Variants in ZBTB20 observed in about 807,000 individuals in gnomAD.
ZBTB20 encodes the protein zinc finger and BTB domain-containing protein 20.
ZBTB20 carries 9 observed loss-of-function variants against 56.9 expected under a neutral mutation model. The observed-to-expected ratio is 0.16, with a 90% CI of 0.10 to 0.28. The LOEUF is 0.28. Ranked by LOEUF, ZBTB20 falls within the 10% of genes least tolerant of loss-of-function variation. ZBTB20 has a pLI of 1.00. For synonymous variants in ZBTB20, 417 were observed against 420.7 expected (o/e 0.99, Z 0.11); for missense variants, 655 against 1,003.0 (o/e 0.65, Z 4.69).
intron 6 of ZBTB20, among the ~76,000 whole-genome samples, 186 bp downstream of exon 6, chr3:114,693,342 A>G (rs2062809240): frequency 6.6e-6 from 1 of 152,168 alleles, no homozygotes; most frequent in African/African-American, 2.4e-5. Flanking sequence ...CAAATAGGAT[A>G]TTAAAGATCT....
intron 2 of ZBTB20, among the ~76,000 whole-genome samples, chr3:114,976,968 ACT>A (rs1471670458): frequency 2.0e-5 from 3 of 152,078 alleles, no homozygotes; most frequent in South Asian, 4.1e-4. Context: ...AATCAATCAA[ACT>A]CTGTTAAATC....
intron 7 of ZBTB20, among the ~76,000 whole-genome samples, chr3:114,431,361 C>T (rs148449375): frequency 2.0e-5 from 3 of 152,168 alleles, no homozygotes; most frequent in East Asian, 3.9e-4. Context: ...GGGTCAGAGA[C>T]GGATATTGCA....
chr3:114,969,408 C>A (rs1433489204), intron 3 of ZBTB20, among the ~76,000 whole-genome samples: 2 of 152,036 alleles, frequency 1.3e-5, no homozygotes, highest in African/African-American at 4.8e-5. Context: ...TTTAAAATGG[C>A]TTCCAAAAGT....
Position 114,314,966 on chromosome 3 carries a change from G to A in ZBTB20, c.*24039C>T, listed in dbSNP as rs185191593. On this transcript the variant is annotated 3_prime_UTR_variant, in exon 12 of 12. Coordinates refer to ENST00000675478, the MANE Select transcript of ZBTB20 (RefSeq NM_001348800.3). ...CTGTAAGAAAAAACTGGCAGGATGTGTGTATTTAGTCTATATTTTAAAGCA... is the reference window on the plus strand; with the variant it reads ...CTGTAAGAAAAAACTGGCAGGATGTATGTATTTAGTCTATATTTTAAAGCA... 5.3e-5 allele frequency: 8 copies of A among 152,186 alleles called. No individual in the cohort carries two copies. The highest frequency in any genetic ancestry group is 2.1e-4 in the South Asian group (1 of 4,824). 9.4% of individuals were successfully genotyped at this position (152,186 alleles called of 1,614,324 possible). A position where few individuals can be genotyped will look rare whatever the true frequency, so the allele number is the denominator to read the frequency against.
At chr3:114,920,695 T>TA (rs979377134) in intron 3 of ZBTB20, among the ~76,000 whole-genome samples, 8 of 151,226 alleles carry the variant, frequency 5.3e-5, no homozygotes, top group African/African-American at 1.9e-4. Flanking sequence ...CTCAAAAAAT[T>TA]AAAAAAAGAA....
chr3:114,901,271 A>AC (rs1331594555), intron 3 of ZBTB20, among the ~76,000 whole-genome samples: 1 of 152,126 alleles, frequency 6.6e-6, no homozygotes, highest in African/African-American at 2.4e-5. Flanking sequence ...ATCTCAAAAA[A>AC]AAAAAAAATT....
intron 1 of ZBTB20, among the ~76,000 whole-genome samples, chr3:115,083,115 A>G (rs986511247): frequency 1.3e-5 from 2 of 152,022 alleles, no homozygotes; most frequent in Non-Finnish European, 2.9e-5. Flanking sequence ...AAAGCTACAT[A>G]TAACTCTTAT....
chr3:114,539,366 T>C (rs775527761), intron 6 of ZBTB20, among the ~76,000 whole-genome samples: 4 of 152,158 alleles, frequency 2.6e-5, no homozygotes, highest in Non-Finnish European at 4.4e-5. Flanking sequence ...GATTCTCCAC[T>C]ATTTTTGGCG....
intron 3 of ZBTB20, among the ~76,000 whole-genome samples, chr3:114,940,423 TA>T (rs2076688342): frequency 1.4e-5 from 2 of 144,846 alleles, no homozygotes; most frequent in Non-Finnish European, 2.9e-5. Flanking sequence ...ATCCCATTCC[TA>T]CTATAGTTTG....
chr3:114,572,892 T>C (rs1216905452), intron 6 of ZBTB20, among the ~76,000 whole-genome samples: 1 of 152,204 alleles, frequency 6.6e-6, no homozygotes, highest in Non-Finnish European at 1.5e-5. Context: ...TTGAAATGAG[T>C]GCCTAATAAA....
rs192219862 is a variant in ZBTB20 at position 114,681,879 on chromosome 3, A to G, written c.-295+11649T>C. Among the ~76,000 whole-genome samples the G allele has an allele frequency of 1.3e-3, 202 of 152,306 alleles. 1 individual carries two copies. The highest frequency in any genetic ancestry group is 4.5e-3 in the African/African-American group (189 of 41,566). On this transcript the variant is annotated intron_variant, in intron 6 of 11. Coordinates refer to ENST00000675478, the MANE Select transcript of ZBTB20 (RefSeq NM_001348800.3). ...CTATAGCCCACAGAGTTTAACCATC[A>G]TGCTATATTGCTTCATTAGGTTGAA...
chr3:114,480,541 AG>A (rs2041416203), intron 7 of ZBTB20, among the ~76,000 whole-genome samples: 1 of 152,340 alleles, frequency 6.6e-6, no homozygotes, highest in East Asian at 1.9e-4. Context: ...GTTTGCTGAT[AG>A]GATCACTTAC....
At chr3:114,606,440 C>T (rs548269233) in intron 6 of ZBTB20, among the ~76,000 whole-genome samples, 4 of 152,006 alleles carry the variant, frequency 2.6e-5, no homozygotes, top group Non-Finnish European at 5.9e-5. Flanking sequence ...ACACAAATGT[C>T]AACTTCCTTA....
intron 5 of ZBTB20, among the ~76,000 whole-genome samples, chr3:114,747,312 T>C (rs2067115098): frequency 1.3e-5 from 2 of 152,202 alleles, no homozygotes; most frequent in South Asian, 4.1e-4. Context: ...ATGCCTGTAG[T>C]CCCAGCACTT....
chr3:114,572,869 C>T (rs558553116), intron 6 of ZBTB20, among the ~76,000 whole-genome samples: 15 of 152,082 alleles, frequency 9.9e-5, no homozygotes, highest in South Asian at 2.1e-4. Context: ...ACAGAGCAAC[C>T]GAGATTCTAT....
intron 6 of ZBTB20, among the ~76,000 whole-genome samples, chr3:114,549,828 T>A (rs2050338773): frequency 6.6e-6 from 1 of 151,960 alleles, no homozygotes; most frequent in African/African-American, 2.4e-5. Context: ...ACCTTGTACC[T>A]GACATTTTAC....
chr3:115,028,750 G>A lies in ZBTB20; in HGVS notation c.-507+42469C>T, dbSNP rs540845453. The stretch of plus-strand genomic sequence containing the variant: ...TTTTAAAAACAATAATTTTGATAGT[G>A]CTGAAAATGCATGCAATAAAAATCA... On this transcript the variant is annotated intron_variant, in intron 2 of 11. Transcript: ENST00000675478. Among the ~76,000 whole-genome samples the A allele has an allele frequency of 1.8e-4, 27 of 150,476 alleles. No individual in the cohort carries two copies. The East Asian group carries it at 5.1e-3, about 28-fold the overall frequency.
chr3:114,723,311 A>C (rs369321199), intron 5 of ZBTB20, among the ~76,000 whole-genome samples: 3 of 152,266 alleles, frequency 2.0e-5, no homozygotes, highest in African/African-American at 7.2e-5. Context: ...ACTTAACACC[A>C]TGCTCTAATG....
intron 6 of ZBTB20, among the ~76,000 whole-genome samples, chr3:114,596,662 TCAGA>T (rs2056339444): frequency 6.6e-6 from 1 of 152,080 alleles, no homozygotes; most frequent in Non-Finnish European, 1.5e-5. Context: ...CAGACACCTC[TCAGA>T]CAGAGTCTTT....
Sources: gnomAD v4.1 joint callset for allele counts (sites outside exome capture counted in the v4.1 genomes callset) on GRCh38, gnomAD v4.1.1 for gene constraint, MANE v1.5 for transcripts, NCBI Gene and HGNC (gene_info 2026-07-23, HGNC 2026-07-21) for gene names.